Variants in MROH2B observed in about 807,000 individuals in gnomAD.
MROH2B encodes maestro heat like repeat family member 2B.
In MROH2B, 177 loss-of-function variants were observed where a neutral mutation model predicts 208.6. That is an observed-to-expected ratio of 0.85 (90% CI 0.75 to 0.96). The LOEUF is 0.96. Ranked by LOEUF, MROH2B falls within the 40% of genes least tolerant of loss-of-function variation. The pLI, the probability that MROH2B is intolerant of heterozygous loss-of-function variation, is 0.00. For synonymous variants in MROH2B, 728 were observed against 659.0 expected (o/e 1.10, Z -1.60); for missense variants, 2,002 against 1,878.7 (o/e 1.07, Z -1.21).
chr5:41,007,591 G>T, intron 33 of MROH2B, 137 bp from the exon 34 acceptor site: 2 of 787,900 alleles, frequency 2.5e-6, no homozygotes, highest in South Asian at 4.1e-5. Context: ...AAAACAGGCA[G>T]CCCTATGCTC....
intron 21 of MROH2B, among the ~76,000 whole-genome samples, chr5:41,036,834 G>T (rs1429907193): frequency 1.3e-5 from 2 of 152,088 alleles, no homozygotes; most frequent in East Asian, 1.9e-4. Flanking sequence ...TCTATGAAAA[G>T]AAATAATCTG....
At chr5:41,018,287 A>G in intron 27 of MROH2B, 54 bp downstream of exon 27, 1 of 1,522,520 alleles carries the variant, frequency 6.6e-7, no homozygotes. Flanking sequence ...GAGATCTCAG[A>G]GATCCCTGCT....
At chr5:41,009,156 T>A in intron 32 of MROH2B, 124 bp downstream of exon 32, 1 of 1,327,312 alleles carries the variant, frequency 7.5e-7, no homozygotes, top group Non-Finnish European at 1.0e-6. Context: ...TAAACTGGAG[T>A]AAAGTTAGGG....
chr5:41,064,590 GGAGACAA>G lies in MROH2B; in HGVS notation c.362-27_362-21del, dbSNP rs759306412. ...GGGACACTGGAGGGAGAGGCAGAAAGGAGACAAGTGTTATTTATCTTCTCAAATTTGG... is the reference window on the plus strand; with the variant it reads ...GGGACACTGGAGGGAGAGGCAGAAAGGTGTTATTTATCTTCTCAAATTTGG... On this transcript the variant is annotated intron_variant, in intron 4 of 41. Coordinates refer to ENST00000399564, the MANE Select transcript of MROH2B (RefSeq NM_173489.5). 6.3e-7 allele frequency: 1 copy of G among 1,585,174 alleles called. No homozygotes were observed. Among genetic ancestry groups the G allele is most frequent in the Non-Finnish European group, 8.6e-7 (1 of 1,157,710 alleles).
At chr5:41,017,172 C>T (rs935312088) in intron 28 of MROH2B, among the ~76,000 whole-genome samples, 43 of 152,214 alleles carry the variant, frequency 2.8e-4, no homozygotes, top group African/African-American at 8.7e-4. Flanking sequence ...ACACACACAA[C>T]GTAGGGCTGT....
At position 41,000,202 on chromosome 5, in the gene MROH2B, C is replaced by T; in HGVS notation, c.4482+18G>A. 1 of 1,610,612 alleles carries T rather than the reference C, an allele frequency of 6.2e-7. No homozygotes were observed. The highest frequency in any genetic ancestry group is 8.5e-7 in the Non-Finnish European group (1 of 1,178,908). ...CTTGTCCTGCCTTTTTTGGAGGCGG[C>T]ATCTATTGGACACTCACCAGTTTCA... On this transcript the variant is annotated intron_variant, in intron 39 of 41. Transcript: ENST00000399564.
At chr5:41,064,602 T>A (rs534174585) in intron 4 of MROH2B, 32 bp from the exon 5 acceptor site, 2 of 1,552,898 alleles carry the variant, frequency 1.3e-6, no homozygotes, top group African/African-American at 2.7e-5. Flanking sequence ...AGACAAGTGT[T>A]ATTTATCTTC....
At position 41,042,114 on chromosome 5, in the gene MROH2B, T is replaced by C. The variant is rs370915050; in HGVS notation, c.1931A>G (p.Asn644Ser). The C allele has an allele frequency of 4.4e-6, 7 of 1,591,228 alleles. No individual in the cohort carries two copies. In the African/African-American group the frequency reaches 5.4e-5, roughly 12 times the overall value. ...SQIKEFLTAPNQLGDQRQGIT... is the reference protein window; with the variant it reads ...SQIKEFLTAPSQLGDQRQGIT... ...CACCTGTCTTTGATCCCCCAGTTGGTTGGGAGCAGTCAGAAACTCCTTAAT... is the reference window on the plus strand; with the variant it reads ...CACCTGTCTTTGATCCCCCAGTTGGCTGGGAGCAGTCAGAAACTCCTTAAT... Residue 644 changes from asparagine (N) to serine (S), a missense_variant, in exon 19 of 42, where the codon AAC becomes AGC. By Grantham distance (46) the Asn-to-Ser change is conservative (BLOSUM62 1). Coordinates refer to ENST00000399564, the MANE Select transcript of MROH2B (RefSeq NM_173489.5).
At chr5:41,047,800 A>G in intron 16 of MROH2B, 36 bp from the exon 17 acceptor site, 2 of 1,545,890 alleles carry the variant, frequency 1.3e-6, no homozygotes, top group Non-Finnish European at 1.8e-6. Context: ...TCGCAAAAAA[A>G]CAAAACCACC....
chr5:41,015,501 T>A (rs746577858), intron 28 of MROH2B, 23 bp from the exon 29 acceptor site: 7 of 1,608,376 alleles, frequency 4.4e-6, no homozygotes, highest in Non-Finnish European at 6.0e-6. Flanking sequence ...AAGTGAGAAA[T>A]GTTTAAGTGT....
chr5:41,017,911 A>G lies in MROH2B; in HGVS notation c.2823T>C (p.Asp941=), dbSNP rs181913247. Residue 941 remains aspartate, a synonymous_variant, in exon 28 of 42, where the codon GAT becomes GAC. Transcript: ENST00000399564. ...CCGCCTGACGGATGGTGGGCAGGGTATCACAGGAGTGAGGAGCCAGAAGTC... is the reference window on the plus strand; with the variant it reads ...CCGCCTGACGGATGGTGGGCAGGGTGTCACAGGAGTGAGGAGCCAGAAGTC... ...LLGLLAPHSC[D]TLPTIRQAAA... The G allele has an allele frequency of 6.3e-7, 1 of 1,587,230 alleles. No individual in the cohort carries two copies. Among genetic ancestry groups the G allele is most frequent in the Non-Finnish European group, 8.6e-7 (1 of 1,165,938 alleles).
intron 23 of MROH2B, 98 bp downstream of exon 23, chr5:41,032,943 T>G: frequency 6.4e-7 from 1 of 1,562,406 alleles, no homozygotes; most frequent in Non-Finnish European, 8.7e-7. Flanking sequence ...ATCTGTTATG[T>G]GGGACTGGTG....
chr5:41,009,993 G>T lies in MROH2B; in HGVS notation c.3222C>A (p.Ile1074=). 1 of 1,613,876 alleles carries T rather than the reference G, an allele frequency of 6.2e-7. No individual in the cohort carries two copies. Among genetic ancestry groups the T allele is most frequent in the Non-Finnish European group, 8.5e-7 (1 of 1,179,804 alleles). ...EESFQFILEA[I]SQIASFHMDT... is the part of the protein sequence containing the mutation. ...CCATGTGAAAGCTGGCTATCTGGGA[G>T]ATGGCTTCTAGAATGAACTGAAAAC... is the stretch of plus-strand genomic sequence containing the variant. The change falls in exon 31 of 42, where the codon ATC becomes ATA. Residue 1074 remains isoleucine (I), a synonymous_variant. Coordinates refer to ENST00000399564, the MANE Select transcript of MROH2B (RefSeq NM_173489.5).
In MROH2B at chr5:41,028,563, TA is replaced by T. The variant is rs1304568583; in HGVS notation, c.2441+4178del. Among the ~76,000 whole-genome samples, 5 of 152,324 alleles carry T rather than the reference TA, an allele frequency of 3.3e-5. No homozygotes were observed. The South Asian group carries it at 6.2e-4, about 19-fold the overall frequency. ...TCCACATACAAGTAAGATTATACAA[TA>T]TTTTTTTCTGTGTCTGGCTTATTTT... is the stretch of plus-strand genomic sequence containing the variant. On this transcript the variant is annotated intron_variant, in intron 24 of 41. Transcript: ENST00000399564.
At chr5:41,061,787 A>G in intron 5 of MROH2B, 63 bp from the exon 6 acceptor site, 1 of 1,516,554 alleles carries the variant, frequency 6.6e-7, no homozygotes. Context: ...ACGATAAAAT[A>G]ATTTGAGAAG....
Position 41,033,082 on chromosome 5 carries a change from A to C in MROH2B, c.2320T>G (p.Phe774Val), listed in dbSNP as rs758701988. Residue 774 changes from phenylalanine to valine, a missense_variant, in exon 23 of 42, where the codon TTC (phenylalanine) becomes GTC (valine). Physicochemically the swap from Phe to Val is conservative, Grantham distance 50. Coordinates refer to ENST00000399564, the MANE Select transcript of MROH2B (RefSeq NM_173489.5). ...IAVQDAEDQGFQFSYKEMLIG... is the reference protein window; with the variant it reads ...IAVQDAEDQGVQFSYKEMLIG... The stretch of plus-strand genomic sequence containing the variant: ...AGCATCTCCTTGTAGGAAAACTGGA[A>C]CCCCTGATCCTCAGCATCTTGGACA... The C allele has an allele frequency of 6.2e-7, 1 of 1,613,010 alleles. No individual in the cohort carries two copies. The highest frequency in any genetic ancestry group is 1.7e-5 in the Admixed American group (1 of 59,836).
chr5:41,037,405 G>T (rs1742800419), intron 21 of MROH2B, among the ~76,000 whole-genome samples: 1 of 152,134 alleles, frequency 6.6e-6, no homozygotes. Context: ...AACTCTTGAG[G>T]AGCATGTTGA....
At chr5:40,998,716 A>G in intron 40 of MROH2B, 39 bp from the exon 41 acceptor site, 1 of 1,506,850 alleles carries the variant, frequency 6.6e-7, no homozygotes, top group Admixed American at 2.0e-5. Context: ...ATTTCATTAT[A>G]GAGGAAGAAG....
At chr5:41,000,550 A>C in intron 38 of MROH2B, 128 bp downstream of exon 38, 2 of 1,348,736 alleles carry the variant, frequency 1.5e-6, no homozygotes, top group Admixed American at 5.7e-5. Context: ...GAATTGGAGA[A>C]GAGGTTTTCA....
Sources: allele counts gnomAD v4.1 joint callset (sites outside exome capture counted in the v4.1 genomes callset), GRCh38; gene constraint gnomAD v4.1.1; transcripts MANE v1.5; gene names NCBI Gene and HGNC (gene_info 2026-07-23, HGNC 2026-07-21).